Variants in DENND1A observed in about 807,000 individuals in gnomAD.
DENND1A encodes DENN domain containing 1A.
Under a neutral mutation model 113.7 loss-of-function variants are expected in DENND1A, and 51 were observed. That is an observed-to-expected ratio of 0.45 (90% CI 0.36 to 0.57). DENND1A has a LOEUF of 0.57. Ranked by LOEUF, DENND1A falls within the 20% of genes least tolerant of loss-of-function variation. DENND1A has a pLI of 0.00. For missense variants in DENND1A, 1,258 were observed against 1,395.9 expected (o/e 0.90, Z 1.57); for synonymous variants, 565 against 570.8 (o/e 0.99, Z 0.14).
chr9:123,719,564 G>C (rs945576815), intron 5 of DENND1A, among the ~76,000 whole-genome samples: 5 of 152,156 alleles, frequency 3.3e-5, no homozygotes, highest in African/African-American at 9.7e-5. Context: ...TGAATACCAG[G>C]CTCAGTTAAA....
At chr9:123,554,511 G>A (rs4836932) in intron 13 of DENND1A, among the ~76,000 whole-genome samples, 23,897 of 152,178 alleles carry the variant, frequency 0.16, 1,936 homozygotes, top group Admixed American at 0.2. Context: ...TTAGAAGAGG[G>A]GAATTTGCCA....
intron 13 of DENND1A, among the ~76,000 whole-genome samples, chr9:123,549,228 C>T (rs959513757): frequency 1.3e-5 from 2 of 152,124 alleles, no homozygotes; most frequent in African/African-American, 2.4e-5. Flanking sequence ...CCCTTCCAGG[C>T]GTCATGCAGT....
intron 13 of DENND1A, among the ~76,000 whole-genome samples, chr9:123,517,597 C>T (rs1430485835): frequency 6.6e-6 from 1 of 152,034 alleles, no homozygotes; most frequent in African/African-American, 2.4e-5. Flanking sequence ...CCAGCCTGGG[C>T]AACAGAGCAA....
chr9:123,557,356 C>G (rs536336217), intron 13 of DENND1A, among the ~76,000 whole-genome samples: 1 of 152,166 alleles, frequency 6.6e-6, no homozygotes, highest in Non-Finnish European at 1.5e-5. Flanking sequence ...GGCATAACAG[C>G]CCCCAGAGCA....
At chr9:123,450,573 C>G (rs981276443) in intron 18 of DENND1A, 120 bp downstream of exon 18, 8 of 664,024 alleles carry the variant, frequency 1.2e-5, no homozygotes, top group Admixed American at 3.5e-5. Context: ...GCTGGTAATG[C>G]ATTTTGAAGT....
At chr9:123,730,303 T>C (rs927323863) in intron 5 of DENND1A, among the ~76,000 whole-genome samples, 1 of 151,982 alleles carries the variant, frequency 6.6e-6, no homozygotes, top group African/African-American at 2.4e-5. Context: ...AAAGAGACTA[T>C]CATCAGAGTG....
At chr9:123,588,420 A>G (rs1207070175) in intron 11 of DENND1A, among the ~76,000 whole-genome samples, 2 of 151,690 alleles carry the variant, frequency 1.3e-5, no homozygotes, top group Non-Finnish European at 2.9e-5. Flanking sequence ...GGAGTTCAAG[A>G]CCAGCCTGGA....
intron 5 of DENND1A, among the ~76,000 whole-genome samples, chr9:123,687,170 C>G (rs1367542594): frequency 6.6e-6 from 1 of 152,064 alleles, no homozygotes; most frequent in East Asian, 1.9e-4. Flanking sequence ...ATGAATGAAG[C>G]TAGTCCAATA....
intron 5 of DENND1A, among the ~76,000 whole-genome samples, chr9:123,688,494 C>T (rs556974243): frequency 5.3e-5 from 8 of 152,100 alleles, no homozygotes; most frequent in African/African-American, 1.7e-4. Context: ...TAGATTTGTG[C>T]GAGAAGTCAT....
intron 5 of DENND1A, among the ~76,000 whole-genome samples, chr9:123,707,350 C>T (rs1197863868): frequency 1.9e-4 from 29 of 151,644 alleles, no homozygotes; most frequent in Admixed American, 1.9e-3. Context: ...GCCAAGATCC[C>T]GCCATTGCAC....
intron 2 of DENND1A, among the ~76,000 whole-genome samples, chr9:123,827,706 G>C (rs1839573793): frequency 6.6e-6 from 1 of 151,788 alleles, no homozygotes; most frequent in Non-Finnish European, 1.5e-5. Flanking sequence ...AATAGAAGAG[G>C]TCCCAGTAAG....
At chr9:123,499,914 C>T (rs2052319439) in intron 13 of DENND1A, among the ~76,000 whole-genome samples, 1 of 152,194 alleles carries the variant, frequency 6.6e-6, no homozygotes, top group Non-Finnish European at 1.5e-5. Context: ...CGCTTGGCAC[C>T]CAGCACAGAG....
At chr9:123,633,150 C>T (rs544627343) in intron 9 of DENND1A, among the ~76,000 whole-genome samples, 54 of 152,108 alleles carry the variant, frequency 3.6e-4, no homozygotes, top group African/African-American at 1.2e-3. Context: ...TCAAGTGACC[C>T]ACCCACCTCG....
At chr9:123,579,271 C>T (rs546314447) in intron 12 of DENND1A, among the ~76,000 whole-genome samples, 1 of 152,184 alleles carries the variant, frequency 6.6e-6, no homozygotes, top group Admixed American at 6.5e-5. Context: ...AGTAATTTTG[C>T]CCAAGATCAC....
intron 3 of DENND1A, among the ~76,000 whole-genome samples, chr9:123,789,303 G>C (rs555436352): frequency 6.6e-6 from 1 of 152,024 alleles, no homozygotes; most frequent in Admixed American, 6.6e-5. Flanking sequence ...TTACAATCAG[G>C]CTGCTCATTA....
intron 12 of DENND1A, 98 bp from the exon 13 acceptor site, chr9:123,557,793 A>G: frequency 1.4e-6 from 2 of 1,403,698 alleles, no homozygotes; most frequent in African/African-American, 2.9e-5. Context: ...GATCCTACGG[A>G]TGGCAGGATC....
At chr9:123,433,271 G>A (rs1352159539) in intron 19 of DENND1A, among the ~76,000 whole-genome samples, 1 of 152,186 alleles carries the variant, frequency 6.6e-6, no homozygotes, top group Non-Finnish European at 1.5e-5. Context: ...TGAAACTTAA[G>A]TCCAGAACTG....
At chr9:123,854,817 C>T (rs973532309) in intron 2 of DENND1A, among the ~76,000 whole-genome samples, 23 of 151,008 alleles carry the variant, frequency 1.5e-4, no homozygotes, top group Non-Finnish European at 2.9e-5. Flanking sequence ...GTCTCTTGGT[C>T]GAATATATCT....
intron 2 of DENND1A, among the ~76,000 whole-genome samples, chr9:123,832,249 C>T (rs1840339958): frequency 6.6e-6 from 1 of 152,054 alleles, no homozygotes; most frequent in South Asian, 2.1e-4. Context: ...ACAACATAGC[C>T]AAATAACCAG....
Sources: gnomAD v4.1 joint callset for allele counts (sites outside exome capture counted in the v4.1 genomes callset) on GRCh38, gnomAD v4.1.1 for gene constraint, MANE v1.5 for transcripts, NCBI Gene and HGNC (gene_info 2026-07-23, HGNC 2026-07-21) for gene names.